GLG1: variants seen among roughly 807,000 people sequenced by gnomAD.
GLG1 encodes golgi glycoprotein 1, also known as Golgi apparatus protein 1.
A neutral mutation model predicts 160.5 loss-of-function variants in GLG1; 38 were observed. The observed-to-expected ratio is 0.24, with a 90% CI of 0.18 to 0.31. GLG1 has a LOEUF of 0.31. Among genes scored for constraint, GLG1 ranks in the 10% least tolerant of loss-of-function variants. The probability of loss-of-function intolerance (pLI) is 1.00; values close to 1 mark genes in which losing one functional copy is unlikely to be tolerated. For missense variants in GLG1, 1,373 were observed against 1,505.2 expected, an observed-to-expected ratio of 0.91 and a Z score of 1.45; for synonymous variants, 644 against 543.4, an observed-to-expected ratio of 1.19 and a Z score of -2.57.
chr16:74,555,261 G>A (rs1313917749), intron 1 of GLG1, among the ~76,000 whole-genome samples: 2 of 151,950 alleles, frequency 1.3e-5, no homozygotes, highest in East Asian at 3.9e-4. Context: ...CTTATCTAGT[G>A]GTCTGTCCTA....
At chr16:74,514,374 T>G (rs1452504732) in intron 2 of GLG1, among the ~76,000 whole-genome samples, 1 of 152,134 alleles carries the variant, frequency 6.6e-6, no homozygotes, top group African/African-American at 2.4e-5. Context: ...GCAAAAATGT[T>G]AAGGGCAGCC....
intron 19 of GLG1, among the ~76,000 whole-genome samples, chr16:74,464,373 C>A (rs1286588467): frequency 6.6e-6 from 1 of 152,192 alleles, no homozygotes; most frequent in Admixed American, 6.5e-5. Flanking sequence ...AATTACAGGG[C>A]TATAATCCTA....
At chr16:74,489,960 G>C (rs145703624) in intron 8 of GLG1, among the ~76,000 whole-genome samples, 1 of 152,152 alleles carries the variant, frequency 6.6e-6, no homozygotes, top group Non-Finnish European at 1.5e-5. Context: ...AATAAAATTC[G>C]AGTTGATATC....
At chr16:74,465,906 A>T in intron 18 of GLG1, 93 bp from the exon 19 acceptor site, 1 of 1,049,968 alleles carries the variant, frequency 9.5e-7, no homozygotes, top group South Asian at 1.4e-5. Context: ...TGTGCCTCCC[A>T]TTTCTTTATC....
At chr16:74,454,227 T>G (rs575771789) in intron 25 of GLG1, among the ~76,000 whole-genome samples, 3 of 151,690 alleles carry the variant, frequency 2.0e-5, no homozygotes, top group East Asian at 3.9e-4. Context: ...TTTCATTGAG[T>G]TGGGGTCTCG....
chr16:74,507,280 C>G (rs370030401), intron 3 of GLG1, among the ~76,000 whole-genome samples: 2 of 152,086 alleles, frequency 1.3e-5, no homozygotes, highest in African/African-American at 2.4e-5. Flanking sequence ...ATATGGAAAC[C>G]AGCCTAATGC....
chr16:74,526,245 G>A (rs1173467360), intron 2 of GLG1, among the ~76,000 whole-genome samples: 1 of 149,416 alleles, frequency 6.7e-6, no homozygotes, highest in Non-Finnish European at 1.5e-5. Flanking sequence ...GGTAAAGGCA[G>A]GGTATGAGGG....
chr16:74,480,108 A>T, intron 11 of GLG1, 133 bp downstream of exon 11: 1 of 703,302 alleles, frequency 1.4e-6, no homozygotes, highest in Non-Finnish European at 2.4e-6. Flanking sequence ...AGTTTCTAGA[A>T]GTGCAGCAAT....
At chr16:74,542,716 G>GGGAGGGAGGGAGGAAGGAAGGAAGGAA (rs1567513828) in intron 1 of GLG1, among the ~76,000 whole-genome samples, 1 of 29,784 alleles carries the variant, frequency 3.4e-5, no homozygotes, top group African/African-American at 1.3e-4. Flanking sequence ...AAGGGAAGAA[G>GGGAGGGAGGGAGGAAGGAAGGAAGGAA]GGAAGGAAGG....
intron 12 of GLG1, among the ~76,000 whole-genome samples, chr16:74,475,758 G>T (rs947642620): frequency 1.3e-5 from 2 of 152,200 alleles, no homozygotes; most frequent in African/African-American, 2.4e-5. Flanking sequence ...GAATTAGAAT[G>T]TGAGGGGAAG....
chr16:74,552,142 T>C (rs1207252721), intron 1 of GLG1: 1 of 329,088 alleles, frequency 3.0e-6, no homozygotes, highest in Non-Finnish European at 6.0e-6. Context: ...TATTGTCTTC[T>C]ACGGGATGGA....
chr16:74,457,167 G>A (rs2143141813), intron 24 of GLG1, among the ~76,000 whole-genome samples: 1 of 152,298 alleles, frequency 6.6e-6, no homozygotes, highest in African/African-American at 2.4e-5. Flanking sequence ...GGCCGAGGTG[G>A]GTGGATCACT....
At chr16:74,605,062 T>C (rs1229411828) in intron 1 of GLG1, among the ~76,000 whole-genome samples, 3 of 151,880 alleles carry the variant, frequency 2.0e-5, no homozygotes, top group African/African-American at 7.3e-5. Flanking sequence ...AGAAAAGAAG[T>C]TTAAAAATAA....
chr16:74,513,982 T>G (rs144994402), intron 2 of GLG1, among the ~76,000 whole-genome samples: 314 of 152,188 alleles, frequency 2.1e-3, no homozygotes, highest in African/African-American at 7.4e-3. Flanking sequence ...GTACGAGAAC[T>G]TCGTGAAGCA....
chr16:74,480,003 A>AT (rs2143306536), intron 11 of GLG1, among the ~76,000 whole-genome samples: 1 of 152,194 alleles, frequency 6.6e-6, no homozygotes, highest in South Asian at 2.1e-4. Flanking sequence ...TAAAAAAAAA[A>AT]ATCTGGAAAT....
intron 1 of GLG1, among the ~76,000 whole-genome samples, chr16:74,538,129 A>G (rs2017735668): frequency 1.3e-5 from 2 of 150,844 alleles, no homozygotes; most frequent in South Asian, 4.3e-4. Context: ...TTTCTAAGAT[A>G]ACTGGTACTA....
chr16:74,511,583 T>A (rs868011898), intron 2 of GLG1, among the ~76,000 whole-genome samples: 19 of 116,534 alleles, frequency 1.6e-4, no homozygotes, highest in South Asian at 2.6e-4. Flanking sequence ...ACCTTTTTTT[T>A]TTAAAAAAAA....
At chr16:74,542,735 GAGGAAGGAAGGA>G (rs1193967031) in intron 1 of GLG1, among the ~76,000 whole-genome samples, 393 of 28,644 alleles carry the variant, frequency 0.014, 18 homozygotes, top group African/African-American at 0.039. Context: ...GGAAGGAAGG[GAGGAAGGAAGGA>G]AGGAAGGAAG....
At chr16:74,592,037 G>C (rs950162263) in intron 1 of GLG1, among the ~76,000 whole-genome samples, 4 of 152,168 alleles carry the variant, frequency 2.6e-5, no homozygotes, top group Non-Finnish European at 5.9e-5. Context: ...GGCTCTCACC[G>C]TATTGCCAAA....
Sources: gnomAD v4.1 joint callset for allele counts (sites outside exome capture counted in the v4.1 genomes callset) on GRCh38, gnomAD v4.1.1 for gene constraint, MANE v1.5 for transcripts, NCBI Gene and HGNC (gene_info 2026-07-23, HGNC 2026-07-21) for gene names.